Variants in EMC1 observed in about 807,000 individuals in gnomAD.
EMC1 encodes the protein ER membrane protein complex subunit 1.
In EMC1, 103 loss-of-function variants were observed where a neutral mutation model predicts 128.8. The ratio of observed to expected loss-of-function variants is 0.80; its 90% CI spans 0.68 to 0.94. EMC1 has a LOEUF of 0.94. Ranked by LOEUF, EMC1 falls within the 40% of genes least tolerant of loss-of-function variation. EMC1 has a pLI of 0.00. For synonymous variants in EMC1, 442 were observed against 490.4 expected (o/e 0.90, Z 1.30); for missense variants, 1,083 against 1,250.6 (o/e 0.87, Z 2.02).
rs752279051 is a variant in EMC1 at position 19,220,759 on chromosome 1, C to T, written c.2672+5G>A. The T allele has an allele frequency of 6.2e-7, 1 of 1,611,328 alleles. No individual in the cohort carries two copies. The stretch of plus-strand genomic sequence containing the variant: ...AGCCTTCAGCACTGCCCATGAGGGT[C>T]TCACCTGCTTTGTTCTGTTGGGATC... On this transcript the variant is annotated splice_donor_5th_base_variant and intron_variant, in intron 21 of 22. Coordinates refer to ENST00000477853, the MANE Select transcript of EMC1 (RefSeq NM_015047.3).
intron 1 of EMC1, among the ~76,000 whole-genome samples, chr1:19,247,926 A>C (rs2093638965): frequency 6.6e-6 from 1 of 152,056 alleles, no homozygotes; most frequent in Non-Finnish European, 1.5e-5. Flanking sequence ...TGGGAGGCTG[A>C]GACATGAGAA....
At chr1:19,244,741 A>ATAT (rs1238724840) in intron 2 of EMC1, 165 bp downstream of exon 2, 5 of 696,244 alleles carry the variant, frequency 7.2e-6, no homozygotes, top group Non-Finnish European at 1.2e-5. Flanking sequence ...GAACATACAA[A>ATAT]TATTCAAAGA....
At chr1:19,240,943 C>T (rs2093602082) in intron 6 of EMC1, 73 bp downstream of exon 6, 1 of 1,551,630 alleles carries the variant, frequency 6.4e-7, no homozygotes, top group African/African-American at 1.4e-5. Context: ...GTTCCCTGTT[C>T]CCCAGTACAA....
chr1:19,222,837 G>T lies in EMC1; in HGVS notation c.2377-3C>A. On this transcript the variant is annotated splice_region_variant and splice_polypyrimidine_tract_variant and intron_variant, in intron 19 of 22. Transcript: ENST00000477853. ...GCCTTGGTGTTCCAGTACTGGTACT[G>T]CAGGGATAGGAGGTGGCAGCTCAGG... The T allele has an allele frequency of 6.2e-7, 1 of 1,600,478 alleles. No homozygotes were observed. Among genetic ancestry groups the T allele is most frequent in the Non-Finnish European group, 8.5e-7 (1 of 1,170,650 alleles).
At chr1:19,231,580 C>A (rs528011847) in intron 15 of EMC1, among the ~76,000 whole-genome samples, 158 bp from the exon 16 acceptor site, 1 of 152,282 alleles carries the variant, frequency 6.6e-6, no homozygotes, top group East Asian at 1.9e-4. Context: ...TGAATAGTCC[C>A]CTAGGCTAAC....
intron 1 of EMC1, among the ~76,000 whole-genome samples, chr1:19,250,601 T>G (rs1253487304): frequency 6.6e-6 from 1 of 152,164 alleles, no homozygotes; most frequent in African/African-American, 2.4e-5. Context: ...ACCTGGGCCC[T>G]GAAGAATAAA....
intron 20 of EMC1, 97 bp from the exon 21 acceptor site, chr1:19,220,945 A>G: frequency 1.1e-6 from 1 of 896,842 alleles, no homozygotes; most frequent in South Asian, 1.7e-5. Context: ...AAGAATTTAA[A>G]ACAAAAAAAT....
chr1:19,226,826 G>C (rs960418904), intron 18 of EMC1, among the ~76,000 whole-genome samples: 6 of 151,514 alleles, frequency 4.0e-5, no homozygotes, highest in African/African-American at 1.5e-4. Context: ...CACCCACCTC[G>C]ACCTCTCAAA....
Position 19,240,326 on chromosome 1 carries a change from C to A in EMC1, c.757G>T (p.Glu253Ter). 6.2e-7 allele frequency: 1 copy of A among 1,614,204 alleles called. No individual in the cohort carries two copies. The change falls in exon 7 of 23, where the codon GAA becomes TAA. Residue 253 changes from glutamate to a stop codon, truncating the protein, a stop_gained. Coordinates refer to ENST00000477853, the MANE Select transcript of EMC1 (RefSeq NM_015047.3). LOFTEE classifies it high-confidence loss of function. ...AGTGGGATCTGTCTCAACTCCCATTCCGTCTCCAGAGCCAAAGTTTGGAGG... is the reference window on the plus strand; with the variant it reads ...AGTGGGATCTGTCTCAACTCCCATTACGTCTCCAGAGCCAAAGTTTGGAGG... ...RSLQTLALET[E>*]WELRQIPLQS...
chr1:19,229,480 G>T (rs991360309), intron 17 of EMC1: 3 of 152,088 alleles, frequency 2.0e-5, no homozygotes, highest in African/African-American at 7.3e-5. Context: ...TGTCTTCCTT[G>T]GTCATTGTTC....
At chr1:19,226,810 G>A (rs1157209153) in intron 18 of EMC1, among the ~76,000 whole-genome samples, 1 of 151,724 alleles carries the variant, frequency 6.6e-6, no homozygotes, top group Non-Finnish European at 1.5e-5. Context: ...CTGGACTCAA[G>A]TAATCCACCC....
At chr1:19,245,609 A>G (rs1207213493) in intron 1 of EMC1, among the ~76,000 whole-genome samples, 1 of 149,792 alleles carries the variant, frequency 6.7e-6, no homozygotes, top group Admixed American at 6.7e-5. Flanking sequence ...GTGACACCCA[A>G]AAGGGCACCT....
At chr1:19,227,558 G>T in intron 17 of EMC1, 108 bp from the exon 18 acceptor site, 1 of 1,319,100 alleles carries the variant, frequency 7.6e-7, no homozygotes, top group Non-Finnish European at 1.1e-6. Flanking sequence ...TGTGCAGGAA[G>T]GAATAGAGAT....
rs2151933887 is a variant in EMC1, at chr1:19,219,714, C to T, written c.2673-16G>A. The T allele has an allele frequency of 3.7e-6, 6 of 1,613,966 alleles. No individual in the cohort carries two copies. The highest frequency in any genetic ancestry group is 1.6e-4 in the Middle Eastern group (1 of 6,062). ...GTTCTCCTCTCTGCAAAACACCAGC[C>T]GGGACAGGCAGTCTGAGCACTGCTG... On this transcript the variant is annotated splice_polypyrimidine_tract_variant and intron_variant, in intron 21 of 22. Transcript: ENST00000477853.
intron 2 of EMC1, chr1:19,244,653 C>T (rs2093623572): frequency 2.8e-6 from 1 of 351,810 alleles, no homozygotes; most frequent in Admixed American, 4.2e-5. Context: ...GATCCTCCCG[C>T]CTGGGCTTGC....
intron 3 of EMC1, 102 bp from the exon 4 acceptor site, chr1:19,243,809 A>C (rs1355364690): frequency 7.0e-7 from 1 of 1,438,064 alleles, no homozygotes; most frequent in Non-Finnish European, 9.8e-7. Flanking sequence ...CTGGATGCAA[A>C]TACATGTTAA....
rs573275396 is a variant in EMC1 at position 19,237,075 on chromosome 1, C to G, written c.1309+67G>C. 19 of 1,102,304 alleles carry G rather than the reference C, an allele frequency of 1.7e-5. No homozygotes were observed. The Admixed American group carries it at 1.8e-4, about 10-fold the overall frequency. 68.3% of individuals were successfully genotyped at this position (1,102,304 alleles called of 1,614,324 possible). ...CAGAAACCTGCAGCCTCCCAAAAAACAGTCTGATTGGAACACATTGGAAGG... is the reference window on the plus strand; with the variant it reads ...CAGAAACCTGCAGCCTCCCAAAAAAGAGTCTGATTGGAACACATTGGAAGG... On this transcript the variant is annotated intron_variant, in intron 12 of 22. Transcript: ENST00000477853.
chr1:19,215,823 C>T lies in EMC1; in HGVS notation c.*3480G>A, dbSNP rs569782655. 1 of 152,176 alleles carries T rather than the reference C, an allele frequency of 6.6e-6. No individual in the cohort carries two copies. Among genetic ancestry groups the T allele is most frequent in the East Asian group, 1.9e-4 (1 of 5,164 alleles). 9.4% of individuals were successfully genotyped at this position (152,176 alleles called of 1,614,324 possible). A position where few individuals can be genotyped will look rare whatever the true frequency, so the allele number is the denominator to read the frequency against. ...CCTCCCAAGTAGCTGGGATTACAGG[C>T]ATGCACCACCACACCTGGCTAAATT... On this transcript the variant is annotated 3_prime_UTR_variant, in exon 23 of 23. Coordinates refer to ENST00000477853, the MANE Select transcript of EMC1 (RefSeq NM_015047.3).
chr1:19,223,023 T>C (rs2093443983), intron 19 of EMC1, 189 bp from the exon 20 acceptor site: 1 of 579,174 alleles, frequency 1.7e-6, no homozygotes, highest in Admixed American at 3.3e-5. Flanking sequence ...CTATCGAAAG[T>C]TCACCACAAA....
Sources: gnomAD v4.1 joint callset for allele counts (sites outside exome capture counted in the v4.1 genomes callset) on GRCh38, gnomAD v4.1.1 for gene constraint, MANE v1.5 for transcripts, NCBI Gene and HGNC (gene_info 2026-07-23, HGNC 2026-07-21) for gene names.